Variants in EFL1 observed in about 807,000 individuals in gnomAD.
The protein encoded by EFL1 is elongation factor like GTPase 1, also known as elongation factor-like GTPase 1.
Under a neutral mutation model 126.7 loss-of-function variants are expected in EFL1, and 76 were observed. That is an observed-to-expected ratio of 0.60 (90% CI 0.50 to 0.73). The LOEUF (loss-of-function observed/expected upper bound fraction) is 0.73. EFL1 is among the 30% of genes least tolerant of loss of function. The pLI, the probability that EFL1 is intolerant of heterozygous loss-of-function variation, is 0.00. For missense variants in EFL1, 1,128 were observed against 1,343.2 expected (o/e 0.84, Z 2.50); for synonymous variants, 410 against 448.4 (o/e 0.91, Z 1.08).
chr15:82,202,135 A>G (rs923638909), intron 15 of EFL1, among the ~76,000 whole-genome samples: 3 of 152,232 alleles, frequency 2.0e-5, no homozygotes, highest in Admixed American at 6.5e-5. Flanking sequence ...GCAACACTGA[A>G]TAAGAATGGA....
At chr15:82,143,358 G>A (rs191155793) in intron 18 of EFL1, among the ~76,000 whole-genome samples, 1 of 152,244 alleles carries the variant, frequency 6.6e-6, no homozygotes, top group East Asian at 1.9e-4. Context: ...TTATGGACAA[G>A]GGTTGTAAAA....
In EFL1 at chr15:82,235,676, A is replaced by T. The variant is rs571450059; in HGVS notation, c.731+2631T>A. ...CATAATAATGACATTCAGAAAAATAAGAATATTAGGGGACTTCCTCAACTT... is the reference window on the plus strand; with the variant it reads ...CATAATAATGACATTCAGAAAAATATGAATATTAGGGGACTTCCTCAACTT... On this transcript the variant is annotated intron_variant, in intron 7 of 19. Coordinates refer to ENST00000268206, the MANE Select transcript of EFL1 (RefSeq NM_024580.6). Among the ~76,000 whole-genome samples the T allele has an allele frequency of 4.6e-5, 7 of 152,298 alleles. No homozygotes were observed. The South Asian group carries it at 1.5e-3, about 32-fold the overall frequency.
intron 15 of EFL1, among the ~76,000 whole-genome samples, chr15:82,171,285 G>A (rs2074132669): frequency 6.6e-6 from 1 of 152,162 alleles, no homozygotes. Flanking sequence ...TTAAGGGTCA[G>A]TTCATAACTC....
At chr15:82,145,489 A>T (rs2073835015) in intron 18 of EFL1, among the ~76,000 whole-genome samples, 1 of 151,834 alleles carries the variant, frequency 6.6e-6, no homozygotes, top group African/African-American at 2.4e-5. Context: ...TTTAAAATAA[A>T]AATTTAATAA....
chr15:82,131,370 T>C (rs545786247), intron 19 of EFL1, among the ~76,000 whole-genome samples: 14 of 152,124 alleles, frequency 9.2e-5, no homozygotes, highest in Admixed American at 2.0e-4. Context: ...ATACTCACTG[T>C]AGCCTCAATC....
chr15:82,232,181 A>C (rs2074829120), intron 7 of EFL1, among the ~76,000 whole-genome samples: 1 of 152,160 alleles, frequency 6.6e-6, no homozygotes, highest in Admixed American at 6.5e-5. Flanking sequence ...TCTCCAACCT[A>C]ACCTTAGAAG....
At chr15:82,258,624 T>G (rs2075086868) in intron 3 of EFL1, among the ~76,000 whole-genome samples, 1 of 152,250 alleles carries the variant, frequency 6.6e-6, no homozygotes, top group African/African-American at 2.4e-5. Context: ...CCTTTGATAC[T>G]TAGGTTAACT....
intron 7 of EFL1, among the ~76,000 whole-genome samples, chr15:82,233,319 T>C (rs1343413683): frequency 6.6e-6 from 1 of 152,202 alleles, no homozygotes; most frequent in Non-Finnish European, 1.5e-5. Flanking sequence ...ACTTCCCCAT[T>C]CTTGAATTCT....
In EFL1 at chr15:82,225,223, T is replaced by C. The variant is rs759845553; in HGVS notation, c.1234A>G (p.Ile412Val). The stretch of plus-strand genomic sequence containing the variant: ...ACTGCAAACATTTTGGAAACAAATA[T>C]AATAACTGGAGCAGTGTCCTCACTT... ...CGSEDTAPVI[I>V]FVSKMFAVDA... The change falls in exon 12 of 20, where the codon ATA becomes GTA. Residue 412 changes from isoleucine (I) to valine (V), a missense_variant. Physicochemically the swap from Ile to Val is conservative, Grantham distance 29 (BLOSUM62 3). Around this residue, in one of 6 missense-constraint regions of EFL1, gnomAD observed 316 missense variants for 318.5 expected, o/e 0.99. Coordinates refer to ENST00000268206, the MANE Select transcript of EFL1 (RefSeq NM_024580.6). The C allele has an allele frequency of 1.9e-6, 3 of 1,612,482 alleles. No individual in the cohort carries two copies. The highest frequency in any genetic ancestry group is 2.7e-5 in the African/African-American group (2 of 74,744).
intron 14 of EFL1, among the ~76,000 whole-genome samples, chr15:82,217,066 A>C (rs2074655084): frequency 6.6e-6 from 1 of 152,146 alleles, no homozygotes; most frequent in South Asian, 2.1e-4. Flanking sequence ...TTGACCAATA[A>C]ACACATTAAA....
intron 16 of EFL1, among the ~76,000 whole-genome samples, chr15:82,163,258 T>C (rs2141241814): frequency 6.6e-6 from 1 of 152,272 alleles, no homozygotes; most frequent in South Asian, 2.1e-4. Context: ...AACATGAAAT[T>C]TGGCCGGGCA....
At chr15:82,227,661 CA>C in intron 10 of EFL1, 89 bp from the exon 11 acceptor site, 1 of 1,564,026 alleles carries the variant, frequency 6.4e-7, no homozygotes, top group Admixed American at 1.8e-5. Context: ...ATTGAGGTAA[CA>C]AAGTCTGTCC....
chr15:82,190,044 G>A (rs1159521167), intron 15 of EFL1, among the ~76,000 whole-genome samples: 1 of 151,640 alleles, frequency 6.6e-6, no homozygotes, highest in Non-Finnish European at 1.5e-5. Flanking sequence ...TTGAACCCGG[G>A]AGGCGGAGGT....
chr15:82,182,294 A>G (rs1222366394), intron 15 of EFL1, among the ~76,000 whole-genome samples: 1 of 152,162 alleles, frequency 6.6e-6, no homozygotes, highest in Non-Finnish European at 1.5e-5. Flanking sequence ...TTGCACAAAC[A>G]GATATATTTT....
At chr15:82,170,519 T>C (rs2074124472) in intron 15 of EFL1, among the ~76,000 whole-genome samples, 1 of 152,216 alleles carries the variant, frequency 6.6e-6, no homozygotes, top group South Asian at 2.1e-4. Context: ...TTCTTTTCTT[T>C]AGTCAACATG....
chr15:82,255,003 G>A (rs2075055152), intron 3 of EFL1, among the ~76,000 whole-genome samples: 1 of 152,174 alleles, frequency 6.6e-6, no homozygotes, highest in South Asian at 2.1e-4. Context: ...TTACTGAGTT[G>A]ATATGAACAG....
At chr15:82,173,286 TA>T (rs930855603) in intron 15 of EFL1, among the ~76,000 whole-genome samples, 42 of 151,884 alleles carry the variant, frequency 2.8e-4, no homozygotes, top group African/African-American at 8.7e-4. Flanking sequence ...GTTTAAAAAT[TA>T]AAAAAAATAT....
At chr15:82,244,663 TC>T (rs560796799) in intron 4 of EFL1, among the ~76,000 whole-genome samples, 82 of 152,268 alleles carry the variant, frequency 5.4e-4, no homozygotes, top group African/African-American at 1.9e-3. Flanking sequence ...GGAGATATCT[TC>T]CAGACAATTT....
intron 17 of EFL1, among the ~76,000 whole-genome samples, chr15:82,155,538 T>G (rs1029451435): frequency 3.9e-5 from 6 of 152,144 alleles, no homozygotes; most frequent in Admixed American, 2.6e-4. Context: ...ACTGTTGCTA[T>G]GCGTATTCTT....
Sources: gnomAD v4.1 joint callset for allele counts (sites outside exome capture counted in the v4.1 genomes callset) on GRCh38, gnomAD v4.1.1 for gene constraint, gnomAD v4.1.1 regional missense constraint, MANE v1.5 for transcripts, NCBI Gene and HGNC (gene_info 2026-07-23, HGNC 2026-07-21) for gene names.